Variants in CAPN14 observed in about 807,000 individuals in gnomAD.
CAPN14 encodes calpain-14.
A neutral mutation model predicts 101.3 loss-of-function variants in CAPN14; 94 were observed. The observed-to-expected ratio is 0.93, with a 90% confidence interval of 0.79 to 1.10. The LOEUF is 1.10. Ranked by LOEUF, CAPN14 falls within the 50% of genes least tolerant of loss-of-function variation. The probability of loss-of-function intolerance (pLI) is 0.00; values close to 1 mark genes in which losing one functional copy is unlikely to be tolerated. For synonymous variants in CAPN14, 338 were observed against 317.9 expected (o/e 1.06, Z -0.67); for missense variants, 837 against 828.4 (o/e 1.01, Z -0.13).
chr2:31,179,609 T>C (rs1188346589), intron 17 of CAPN14, among the ~76,000 whole-genome samples: 2 of 152,228 alleles, frequency 1.3e-5, no homozygotes, highest in African/African-American at 4.8e-5. Context: ...CTGAGTCAAA[T>C]GCTATTTCTA....
chr2:31,181,442 CTTTTTCTTTCTTTTTTTCTCTT>C (rs1680613196), intron 16 of CAPN14, among the ~76,000 whole-genome samples: 1 of 98,962 alleles, frequency 1.0e-5, no homozygotes, highest in South Asian at 3.2e-4. Flanking sequence ...TTCTTTCTTT[CTTTTTCTTTCTTTTTTTCTCTT>C]TTTCTTTCTT....
intron 1 of CAPN14, among the ~76,000 whole-genome samples, chr2:31,226,928 A>G (rs1683038807): frequency 6.6e-6 from 1 of 152,156 alleles, no homozygotes; most frequent in African/African-American, 2.4e-5. Flanking sequence ...AGATAGCTCA[A>G]TCAAAGATGC....
chr2:31,233,610 T>A (rs1683260826), intron 1 of CAPN14, among the ~76,000 whole-genome samples: 2 of 152,162 alleles, frequency 1.3e-5, no homozygotes, highest in African/African-American at 4.8e-5. Flanking sequence ...TTGCAGGGAT[T>A]TTGCTTCTTG....
In CAPN14 at chr2:31,202,059, A is replaced by G. The variant is rs182924295; in HGVS notation, c.415-61T>C. The G allele has an allele frequency of 5.0e-4, 770 of 1,550,276 alleles. 4 individuals are homozygous for G. The East Asian group carries it at 6.9e-3, about 14-fold the overall frequency. On this transcript the variant is annotated intron_variant, in intron 4 of 21. Coordinates refer to ENST00000403897, the MANE Select transcript of CAPN14 (RefSeq NM_001145122.2). The stretch of plus-strand genomic sequence containing the variant: ...TGCTGCAGATGGTGATCAGCCCAGA[A>G]GGTGAAGACATGGTCCTCCAGGAAC...
At chr2:31,223,499 T>A (rs959465419) in intron 2 of CAPN14, among the ~76,000 whole-genome samples, 3 of 151,928 alleles carry the variant, frequency 2.0e-5, no homozygotes, top group African/African-American at 7.2e-5. Context: ...CTACTCTGCC[T>A]CATTTTAAGT....
Position 31,181,019 on chromosome 2 carries a change from G to C in CAPN14, c.1646-19C>G. ...CCCAGACCTGTGAAGGAGCGAAAGA[G>C]TCCACATGGGGGCTGGCCCCAGGTC... On this transcript the variant is annotated intron_variant, in intron 16 of 21. Coordinates refer to ENST00000403897, the MANE Select transcript of CAPN14 (RefSeq NM_001145122.2). 6.4e-7 allele frequency: 1 copy of C among 1,550,448 alleles called. No homozygotes were observed. Among genetic ancestry groups the C allele is most frequent in the Non-Finnish European group, 8.7e-7 (1 of 1,145,910 alleles).
intron 9 of CAPN14, among the ~76,000 whole-genome samples, chr2:31,193,528 G>A (rs1215114541): frequency 1.3e-5 from 2 of 152,194 alleles, no homozygotes; most frequent in African/African-American, 4.8e-5. Context: ...CCTCTGGCTG[G>A]AAGCAGCCGG....
At chr2:31,197,203 C>T (rs1266882007) in intron 8 of CAPN14, 46 bp downstream of exon 8, 4 of 1,359,628 alleles carry the variant, frequency 2.9e-6, no homozygotes, top group Non-Finnish European at 3.1e-6. Context: ...GCCTCCTTTG[C>T]CTAACCTACC....
At chr2:31,177,869 A>G (rs1680388445) in intron 18 of CAPN14, 48 bp from the exon 19 acceptor site, 1 of 1,382,214 alleles carries the variant, frequency 7.2e-7, no homozygotes, top group Non-Finnish European at 1.0e-6. Flanking sequence ...ATTTCCAAGC[A>G]CCATCTGAGA....
At chr2:31,216,910 C>T (rs559839541) in intron 1 of CAPN14, among the ~76,000 whole-genome samples, 3 of 152,172 alleles carry the variant, frequency 2.0e-5, no homozygotes, top group Non-Finnish European at 4.4e-5. Flanking sequence ...GTGTGGTCAC[C>T]GTCCCAGTGT....
rs118164434 is a variant in CAPN14 at position 31,199,715 on chromosome 2, A to C, written c.727-183T>G. ...CATAGTCTCATTCCACCCTCTCATTAAGTGAGCCATTCTGCAGTGATCATG... is the reference window on the plus strand; with the variant it reads ...CATAGTCTCATTCCACCCTCTCATTCAGTGAGCCATTCTGCAGTGATCATG... On this transcript the variant is annotated intron_variant, in intron 6 of 21. Coordinates refer to ENST00000403897, the MANE Select transcript of CAPN14 (RefSeq NM_001145122.2). Among the ~76,000 whole-genome samples the C allele has an allele frequency of 7.3e-3, 1,115 of 152,306 alleles. 9 individuals are homozygous for C. The highest frequency in any genetic ancestry group is 0.014 in the East Asian group (72 of 5,176).
At chr2:31,208,063 C>T (rs915637821) in intron 1 of CAPN14, among the ~76,000 whole-genome samples, 2 of 152,070 alleles carry the variant, frequency 1.3e-5, no homozygotes, top group African/African-American at 2.4e-5. Context: ...TTATTTGTCA[C>T]GGGTGCCTGT....
At chr2:31,199,397 A>G (rs749206971) in intron 7 of CAPN14, 73 bp downstream of exon 7, 72 of 1,288,874 alleles carry the variant, frequency 5.6e-5, no homozygotes, top group Non-Finnish European at 7.6e-5. Context: ...AACTAAATCC[A>G]CCAAGATAAG....
intron 17 of CAPN14, among the ~76,000 whole-genome samples, chr2:31,180,104 C>T (rs899238347): frequency 1.3e-5 from 2 of 152,180 alleles, no homozygotes; most frequent in East Asian, 3.9e-4. Flanking sequence ...CCACCACACC[C>T]CATCTCTATT....
chr2:31,180,809 C>A (rs1165623633), intron 17 of CAPN14, 127 bp downstream of exon 17: 3 of 735,974 alleles, frequency 4.1e-6, no homozygotes, highest in Non-Finnish European at 4.6e-6. Context: ...CATAATGAGG[C>A]TCAGTGGCTT....
chr2:31,188,881 C>T (rs1402650096), intron 13 of CAPN14, among the ~76,000 whole-genome samples: 1 of 152,162 alleles, frequency 6.6e-6, no homozygotes, highest in Non-Finnish European at 1.5e-5. Context: ...CTGCTTCCCC[C>T]AGGACCATGG....
intron 16 of CAPN14, among the ~76,000 whole-genome samples, chr2:31,181,428 TTCTTTC>T (rs1338008818): frequency 6.7e-6 from 1 of 149,042 alleles, no homozygotes; most frequent in African/African-American, 2.5e-5. Flanking sequence ...CTTTCTTTCT[TTCTTTC>T]TTTCTTTCTT....
intron 2 of CAPN14, among the ~76,000 whole-genome samples, 174 bp from the exon 3 acceptor site, chr2:31,203,313 T>C (rs1246544352): frequency 6.6e-6 from 1 of 152,222 alleles, no homozygotes; most frequent in Admixed American, 6.5e-5. Context: ...GTCCTTTGTA[T>C]TTCTCATTCC....
At chr2:31,224,033 C>T (rs1272689002) in intron 2 of CAPN14, among the ~76,000 whole-genome samples, 2 of 152,168 alleles carry the variant, frequency 1.3e-5, no homozygotes, top group Admixed American at 6.5e-5. Flanking sequence ...CAGTATTGAT[C>T]CACGTTGAGT....
Sources: gnomAD v4.1 joint callset for allele counts (sites outside exome capture counted in the v4.1 genomes callset) on GRCh38, gnomAD v4.1.1 for gene constraint, MANE v1.5 for transcripts, NCBI Gene and HGNC (gene_info 2026-07-23, HGNC 2026-07-21) for gene names.